The following ROBO2 variants were observed in gnomAD, a reference collection of about 807,000 sequenced individuals.
The protein encoded by ROBO2 is roundabout homolog 2.
In ROBO2, 53 loss-of-function variants were observed where a neutral mutation model predicts 160.8. The ratio of observed to expected loss-of-function variants is 0.33; its 90% confidence interval spans 0.26 to 0.41. The LOEUF is 0.41. Ranked by LOEUF, ROBO2 falls within the 10% of genes least tolerant of loss-of-function variation. The probability of loss-of-function intolerance (pLI) is 1.00; values close to 1 mark genes in which losing one functional copy is unlikely to be tolerated. For missense variants in ROBO2, 1,577 were observed against 1,722.4 expected (o/e 0.92, Z 1.49); for synonymous variants, 664 against 611.7 (o/e 1.09, Z -1.26).
At chr3:77,649,827 G>A (rs774691527) in exon 26 of ROBO2, 1 of 152,024 alleles carries the variant, frequency 6.6e-6, no homozygotes, top group Non-Finnish European at 1.5e-5. Flanking sequence ...TCACCAAGCA[G>A]CATCCAAAAT....
intron 2 of ROBO2, among the ~76,000 whole-genome samples, chr3:76,383,334 T>C (rs2076727303): frequency 6.6e-6 from 1 of 152,158 alleles, no homozygotes; most frequent in African/African-American, 2.4e-5. Flanking sequence ...AGTGACTGTT[T>C]AGCAAACAAC....
At chr3:77,622,890 GT>G (rs1194165525) in intron 23 of ROBO2, among the ~76,000 whole-genome samples, 1 of 152,184 alleles carries the variant, frequency 6.6e-6, no homozygotes, top group African/African-American at 2.4e-5. Context: ...GTTGCACAAG[GT>G]ATTATTTTTA....
intron 2 of ROBO2, among the ~76,000 whole-genome samples, chr3:77,165,128 A>G (rs57213828): frequency 0.48 from 71,403 of 149,770 alleles, 17,486 homozygotes; most frequent in Middle Eastern, 0.6. Flanking sequence ...AAGGGGGGAA[A>G]GGCGGGGAAA....
At chr3:76,632,734 A>G (rs1011965974) in intron 2 of ROBO2, among the ~76,000 whole-genome samples, 10 of 152,230 alleles carry the variant, frequency 6.6e-5, no homozygotes, top group Non-Finnish European at 1.3e-4. Flanking sequence ...TTTCAAAAAC[A>G]TAAGTAATAT....
rs571637268 is a variant in ROBO2 at position 76,551,915 on chromosome 3, A to G, written c.110-546099A>G. 1.8e-4 allele frequency among the ~76,000 whole-genome samples: 27 copies of G among 152,194 alleles called. No individual in the cohort carries two copies. In the East Asian group the frequency reaches 4.9e-3, roughly 27 times the overall value. On this transcript the variant is annotated intron_variant, in intron 2 of 26. Transcript: ENST00000487694. ...TCCCTCACTGCTCCATGAATGGCTC[A>G]TCCTTGGCAAGTGCTGGATCTGGTC... is the stretch of plus-strand genomic sequence containing the variant.
chr3:77,226,959 C>T (rs1017631368), intron 2 of ROBO2, among the ~76,000 whole-genome samples: 1 of 152,068 alleles, frequency 6.6e-6, no homozygotes, highest in African/African-American at 2.4e-5. Context: ...GGTTGCTGAC[C>T]AACTTCATTT....
At chr3:77,540,571 G>A (rs548978068) in intron 6 of ROBO2, among the ~76,000 whole-genome samples, 2 of 151,922 alleles carry the variant, frequency 1.3e-5, no homozygotes, top group African/African-American at 2.4e-5. Flanking sequence ...CCAGTCGGGG[G>A]CAGTGGGGGC....
chr3:76,927,031 T>C (rs574994587), intron 2 of ROBO2, among the ~76,000 whole-genome samples: 1 of 152,276 alleles, frequency 6.6e-6, no homozygotes, highest in Non-Finnish European at 1.5e-5. Context: ...ACACATGAGA[T>C]TACTGACGGA....
intron 2 of ROBO2, among the ~76,000 whole-genome samples, chr3:77,226,709 C>T (rs544612501): frequency 1.6e-4 from 24 of 152,076 alleles, no homozygotes; most frequent in Non-Finnish European, 2.9e-4. Context: ...ATAGCTTAGT[C>T]TATCTTAAAC....
chr3:77,348,040 A>T (rs2067866397), intron 2 of ROBO2, among the ~76,000 whole-genome samples: 2 of 152,046 alleles, frequency 1.3e-5, no homozygotes, highest in African/African-American at 4.8e-5. Context: ...TTTTGATTTT[A>T]TACACCTTTT....
chr3:76,830,059 T>C (rs2066944245), intron 2 of ROBO2, among the ~76,000 whole-genome samples: 2 of 152,232 alleles, frequency 1.3e-5, no homozygotes, highest in African/African-American at 4.8e-5. Context: ...CTCAGTTTCA[T>C]GTGTATTGAG....
rs1702214500 is a variant in ROBO2, at chr3:76,195,400, G to GGAATTACAT, written c.109+257799_109+257807dup. On this transcript the variant is annotated intron_variant, in intron 2 of 26. Coordinates refer to the ROBO2 transcript ENST00000487694. ...TCTTTGCAAAACCAGTGTTATTTAT[G>GGAATTACAT]GAATTACATTAGGATCAAATATAAA... is the stretch of plus-strand genomic sequence containing the variant. Among the ~76,000 whole-genome samples, 2 of 152,104 alleles carry GGAATTACAT rather than the reference G, an allele frequency of 1.3e-5. 1 individual carries two copies. The highest frequency in any genetic ancestry group is 1.3e-4 in the Admixed American group (2 of 15,266).
chr3:77,248,246 A>G (rs1445203643), intron 2 of ROBO2, among the ~76,000 whole-genome samples: 1 of 152,110 alleles, frequency 6.6e-6, no homozygotes, highest in East Asian at 1.9e-4. Flanking sequence ...ACTGGCAATG[A>G]AATCCCCTGC....
chr3:76,139,475 A>G (rs2071550745), intron 2 of ROBO2, among the ~76,000 whole-genome samples: 1 of 152,016 alleles, frequency 6.6e-6, no homozygotes, highest in Non-Finnish European at 1.5e-5. Context: ...TCTAGGGAGG[A>G]CTGTTTTCCA....
chr3:76,342,531 G>C (rs1420718769), intron 2 of ROBO2, among the ~76,000 whole-genome samples: 1 of 151,684 alleles, frequency 6.6e-6, no homozygotes, highest in East Asian at 2.0e-4. Context: ...CCTGCTCTTA[G>C]CTCTGGGAGG....
At chr3:76,997,747 G>A (rs989468270) in intron 2 of ROBO2, among the ~76,000 whole-genome samples, 1 of 152,140 alleles carries the variant, frequency 6.6e-6, no homozygotes, top group Non-Finnish European at 1.5e-5. Flanking sequence ...TGCTGCATAA[G>A]TATTGACAAC....
intron 2 of ROBO2, among the ~76,000 whole-genome samples, chr3:77,210,635 C>T (rs913290146): frequency 6.6e-6 from 1 of 152,004 alleles, no homozygotes; most frequent in Non-Finnish European, 1.5e-5. Flanking sequence ...ATGTGCACAA[C>T]GTGCAGGTTT....
At chr3:76,294,664 C>A (rs1418943258) in intron 2 of ROBO2, among the ~76,000 whole-genome samples, 1 of 152,088 alleles carries the variant, frequency 6.6e-6, no homozygotes, top group African/African-American at 2.4e-5. Flanking sequence ...CAGGAACTGT[C>A]AATTACTTTT....
chr3:77,331,942 G>A (rs963577863), intron 2 of ROBO2, among the ~76,000 whole-genome samples: 2 of 152,280 alleles, frequency 1.3e-5, no homozygotes, highest in South Asian at 2.1e-4. Flanking sequence ...CTGACCTCAG[G>A]TGACCCACCT....
Sources: gnomAD v4.1 joint callset for allele counts (sites outside exome capture counted in the v4.1 genomes callset) on GRCh38, gnomAD v4.1.1 for gene constraint, MANE v1.5 for transcripts, NCBI Gene and HGNC (gene_info 2026-07-23, HGNC 2026-07-21) for gene names.